BAIAP2: variants seen among roughly 807,000 people sequenced by gnomAD.
BAIAP2 encodes the protein BAR/IMD domain containing adaptor protein 2.
Under a neutral mutation model 63.0 loss-of-function variants are expected in BAIAP2, and 18 were observed. That is an observed-to-expected ratio of 0.29 (90% CI 0.20 to 0.42). The LOEUF (loss-of-function observed/expected upper bound fraction) is 0.42. Among genes scored for constraint, BAIAP2 ranks in the 10% least tolerant of loss-of-function variants. The pLI is 1.00. For synonymous variants in BAIAP2, 386 were observed against 307.6 expected, an observed-to-expected ratio of 1.25 and a Z score of -2.67; for missense variants, 610 against 734.3, an observed-to-expected ratio of 0.83 and a Z score of 1.96.
intron 6 of BAIAP2, 44 bp from the exon 7 acceptor site, chr17:81,099,884 G>A (rs761140422): frequency 9.4e-5 from 150 of 1,598,940 alleles, no homozygotes; most frequent in Middle Eastern, 1.7e-4. Flanking sequence ...CCTGACAGGC[G>A]TCCTTCCATC....
At chr17:81,056,332 AGAT>A (rs1341800913) in intron 2 of BAIAP2, 3 of 152,208 alleles carry the variant, frequency 2.0e-5, no homozygotes, top group African/African-American at 7.2e-5. Context: ...TCCAGAGTCC[AGAT>A]GATCCCACCC....
intron 6 of BAIAP2, among the ~76,000 whole-genome samples, chr17:81,090,299 A>G (rs1182122337): frequency 6.6e-6 from 1 of 152,242 alleles, no homozygotes; most frequent in Non-Finnish European, 1.5e-5. Context: ...CTGTAGAGCC[A>G]GGATGAGCCG....
intron 1 of BAIAP2, among the ~76,000 whole-genome samples, chr17:81,040,450 G>A (rs1462502618): frequency 6.6e-6 from 1 of 152,244 alleles, no homozygotes; most frequent in Non-Finnish European, 1.5e-5. Context: ...CTGTACAGCT[G>A]CACAATGACT....
chr17:81,111,345 G>T (rs1485751116), intron 13 of BAIAP2, among the ~76,000 whole-genome samples: 2 of 152,254 alleles, frequency 1.3e-5, no homozygotes, highest in Non-Finnish European at 2.9e-5. Flanking sequence ...CGCCAGCTTG[G>T]GCTCCTTCGG....
At position 81,085,723 on chromosome 17, in the gene BAIAP2, A is replaced by G. The variant is rs1182175064; in HGVS notation, c.349A>G (p.Ser117Gly). The change falls in exon 5 of 14, where the codon AGT becomes GGT. Residue 117 changes from serine to glycine, a missense_variant and splice_region_variant. Coordinates refer to ENST00000428708, the MANE Select transcript of BAIAP2 (RefSeq NM_001144888.2). ...GGTGGAGCTGGACTCCAGGTATCTG[A>G]GTGTAAGTGCACCCTGGCCGTGCCT... The part of the protein sequence containing the change: ...QKVELDSRYL[S>G]AALKKYQTEQ... The G allele has an allele frequency of 6.2e-7, 1 of 1,613,032 alleles. No individual in the cohort carries two copies. Among genetic ancestry groups the G allele is most frequent in the Admixed American group, 1.7e-5 (1 of 60,022 alleles).
At chr17:81,081,373 C>T (rs116041540) in intron 3 of BAIAP2, among the ~76,000 whole-genome samples, 2,110 of 152,296 alleles carry the variant, frequency 0.014, 52 homozygotes, top group African/African-American at 0.049. Flanking sequence ...AAGCTTCCTG[C>T]GTCTGCTGTC....
chr17:81,088,363 CTG>C, intron 6 of BAIAP2, among the ~76,000 whole-genome samples: 1 of 152,344 alleles, frequency 6.6e-6, no homozygotes, highest in East Asian at 1.9e-4. Flanking sequence ...CCTCGAGGCT[CTG>C]TGGGTTTTTG....
At chr17:81,049,259 G>C (rs1190816785) in intron 1 of BAIAP2, among the ~76,000 whole-genome samples, 1 of 152,192 alleles carries the variant, frequency 6.6e-6, no homozygotes. Context: ...GTGGGCCCCT[G>C]GGGAGCTCTC....
intron 6 of BAIAP2, among the ~76,000 whole-genome samples, chr17:81,093,504 C>T (rs1004430004): frequency 5.3e-5 from 8 of 151,864 alleles, no homozygotes; most frequent in African/African-American, 1.7e-4. Context: ...GCTGGCCGGT[C>T]GTGAGTGAGG....
At chr17:81,041,453 C>A (rs2047061730) in intron 1 of BAIAP2, among the ~76,000 whole-genome samples, 1 of 152,238 alleles carries the variant, frequency 6.6e-6, no homozygotes, top group South Asian at 2.1e-4. Context: ...GAAAGGCTGT[C>A]AGTTACAACA....
intron 3 of BAIAP2, among the ~76,000 whole-genome samples, chr17:81,084,357 C>CTT (rs1568135498): frequency 6.6e-6 from 1 of 152,174 alleles, no homozygotes; most frequent in African/African-American, 2.4e-5. Context: ...GTCAGAGAGG[C>CTT]TTGTGACCAG....
At chr17:81,052,529 C>T (rs1452728214) in intron 1 of BAIAP2, among the ~76,000 whole-genome samples, 1 of 152,244 alleles carries the variant, frequency 6.6e-6, no homozygotes. Context: ...CTGTGAGCCC[C>T]GGCGTAGTGC....
chr17:81,104,945 T>C lies in BAIAP2; in HGVS notation c.1268+230T>C. 1.1e-5 allele frequency: 5 copies of C among 462,754 alleles called. No homozygotes were observed. The South Asian group carries it at 1.3e-4, about 12-fold the overall frequency. The allele number at this position is 462,754 out of a possible 1,614,324, so 28.7% of individuals were successfully genotyped here. Reference sequence around the variant, plus strand: ...CGCCCCAACCACCTCCCTGCAGGGGTCTTCCCCTACAGGAGGGATCTCCCC... The same window carrying C: ...CGCCCCAACCACCTCCCTGCAGGGGCCTTCCCCTACAGGAGGGATCTCCCC... On this transcript the variant is annotated intron_variant, in intron 10 of 13. Coordinates refer to ENST00000428708, the MANE Select transcript of BAIAP2 (RefSeq NM_001144888.2).
intron 6 of BAIAP2, among the ~76,000 whole-genome samples, chr17:81,092,903 G>T (rs944108546): frequency 6.6e-6 from 1 of 152,176 alleles, no homozygotes; most frequent in African/African-American, 2.4e-5. Context: ...GCCTGGTCCA[G>T]CTCCTCCTTA....
chr17:81,050,238 TG>T (rs2048452366), intron 1 of BAIAP2, among the ~76,000 whole-genome samples: 1 of 152,166 alleles, frequency 6.6e-6, no homozygotes, highest in Non-Finnish European at 1.5e-5. Context: ...GTTGGCTCAG[TG>T]GGATCGATGC....
intron 1 of BAIAP2, among the ~76,000 whole-genome samples, chr17:81,040,428 C>G (rs1383571816): frequency 2.0e-5 from 3 of 152,268 alleles, no homozygotes; most frequent in Non-Finnish European, 4.4e-5. Flanking sequence ...CATTCCTGGC[C>G]CCTGGCTGTG....
At chr17:81,082,254 C>T (rs533595780) in intron 3 of BAIAP2, among the ~76,000 whole-genome samples, 96 of 152,326 alleles carry the variant, frequency 6.3e-4, no homozygotes, top group Non-Finnish European at 8.8e-4. Flanking sequence ...CACCCGTGTA[C>T]GGTTCACGCT....
At chr17:81,089,849 G>A (rs1347434939) in intron 6 of BAIAP2, among the ~76,000 whole-genome samples, 1 of 152,212 alleles carries the variant, frequency 6.6e-6, no homozygotes, top group Non-Finnish European at 1.5e-5. Flanking sequence ...GGTAGGTGGA[G>A]GTTGCAGTGG....
intron 3 of BAIAP2, among the ~76,000 whole-genome samples, chr17:81,068,997 A>G (rs1221039774): frequency 6.6e-6 from 1 of 152,144 alleles, no homozygotes; most frequent in Non-Finnish European, 1.5e-5. Flanking sequence ...GGCCCCGTAG[A>G]AACAGACAGG....
Sources: allele counts gnomAD v4.1 joint callset (sites outside exome capture counted in the v4.1 genomes callset), GRCh38; gene constraint gnomAD v4.1.1; transcripts MANE v1.5; gene names NCBI Gene and HGNC (gene_info 2026-07-23, HGNC 2026-07-21).